Variants in GCN1 observed in about 807,000 individuals in gnomAD.
GCN1 encodes stalled ribosome sensor GCN1.
In GCN1, 90 loss-of-function variants were observed where a neutral mutation model predicts 288.4. The ratio of observed to expected loss-of-function variants is 0.31; its 90% CI spans 0.26 to 0.37. The LOEUF is 0.37. GCN1 is among the 10% of genes least tolerant of loss of function. The probability of loss-of-function intolerance (pLI) is 1.00; values close to 1 mark genes in which losing one functional copy is unlikely to be tolerated. For missense variants in GCN1, 2,586 were observed against 3,419.9 expected (o/e 0.76, Z 6.08); for synonymous variants, 1,386 against 1,420.2 (o/e 0.98, Z 0.54).
At chr12:120,181,779 C>T (rs1021792281) in intron 5 of GCN1, among the ~76,000 whole-genome samples, 5 of 139,530 alleles carry the variant, frequency 3.6e-5, no homozygotes, top group African/African-American at 5.5e-5. Flanking sequence ...GCAGAGGTTG[C>T]GGTGAGCCGA....
rs2139092854 is a variant in GCN1 at position 120,142,719 on chromosome 12, T to C, written c.5617A>G (p.Ile1873Val). Residue 1873 changes from isoleucine (I) to valine (V), a missense_variant, in exon 44 of 58, where the codon ATC (isoleucine) becomes GTC (valine). Around this residue, in one of 8 missense-constraint regions of GCN1, gnomAD observed 437 missense variants for 570.5 expected, o/e 0.77. Coordinates refer to ENST00000300648, the MANE Select transcript of GCN1 (RefSeq NM_006836.2). This position sits in a 1 kb window ranked among gnomAD's most constrained non-coding sequence, Gnocchi z 4.9. ...CGCTCTACCCCCAGGGCAGTGATGA[T>C]CGCCTGCAGCCAGTAGAAGGGGACA... is the stretch of plus-strand genomic sequence containing the variant. ...NFGTAQSNKA[I>V]ITALGVERRN... 1 of 1,614,010 alleles carries C rather than the reference T, an allele frequency of 6.2e-7. No homozygotes were observed. Among genetic ancestry groups the C allele is most frequent in the East Asian group, 2.2e-5 (1 of 44,878 alleles).
At chr12:120,143,588 G>GAAA (rs398055996) in intron 42 of GCN1, among the ~76,000 whole-genome samples, 198 of 119,464 alleles carry the variant, frequency 1.7e-3, no homozygotes, top group East Asian at 5.5e-3. Flanking sequence ...TCTCAAAAAG[G>GAAA]AAAAAAAAAA....
rs1566316097 is a variant in GCN1, at chr12:120,175,192, C to T, written c.1063G>A (p.Val355Ile). The T allele has an allele frequency of 6.3e-7, 1 of 1,590,722 alleles. No homozygotes were observed. Residue 355 changes from valine (V) to isoleucine (I), a missense_variant, in exon 12 of 58, where the codon GTT (valine) becomes ATT (isoleucine). Val to Ile is a conservative substitution (Grantham distance 29, BLOSUM62 3). Coordinates refer to ENST00000300648, the MANE Select transcript of GCN1 (RefSeq NM_006836.2). ...ILGGSEGKLT[V>I]VAQKMSVLSG... is the part of the protein sequence containing the mutation. ...AGGACGCTCATCTTCTGGGCTACAA[C>T]AGTTAGTTTTCCTTCCGAGCCTGAG...
At chr12:120,150,734 G>A (rs1183210171) in intron 34 of GCN1, among the ~76,000 whole-genome samples, 3 of 151,864 alleles carry the variant, frequency 2.0e-5, no homozygotes, top group East Asian at 1.9e-4. Context: ...TCAGGAGATC[G>A]AGACCATCCT....
chr12:120,161,055 A>G (rs1226369637), intron 22 of GCN1, among the ~76,000 whole-genome samples: 1 of 152,204 alleles, frequency 6.6e-6, no homozygotes, highest in Admixed American at 6.5e-5. Flanking sequence ...AGAAGGAAAG[A>G]GTCCTGTGTG....
chr12:120,149,402 G>T (rs773183762), intron 36 of GCN1, among the ~76,000 whole-genome samples: 6 of 152,126 alleles, frequency 3.9e-5, no homozygotes, highest in Non-Finnish European at 8.8e-5. Context: ...GCATGCTCCT[G>T]TGAGAATGGT....
rs752444856 is a variant in GCN1, at chr12:120,155,388, G to A, written c.3483C>T (p.Cys1161=). The change falls in exon 30 of 58, where the codon TGC becomes TGT. Residue 1161 remains cysteine (C), a synonymous_variant. Coordinates refer to ENST00000300648, the MANE Select transcript of GCN1 (RefSeq NM_006836.2). The surrounding 1 kb of genome is among the most constrained non-coding windows in gnomAD (Gnocchi z 4.9). ...AGATCACGTCGTCAATCAGCAAGGA[G>A]CAGAGGTCTGGCTGCAGGTCTAGGC... ...MMGLDLQPDL[C]SLLIDDVIYH... is the part of the protein sequence containing the mutation. 6 of 1,613,970 alleles carry A rather than the reference G, an allele frequency of 3.7e-6. No homozygotes were observed. The Admixed American group carries it at 6.7e-5, about 18-fold the overall frequency.
chr12:120,138,102 C>T, intron 47 of GCN1, 58 bp from the exon 48 acceptor site: 1 of 1,511,700 alleles, frequency 6.6e-7, no homozygotes, highest in Non-Finnish European at 9.0e-7. Flanking sequence ...GCGCTAGGCT[C>T]TGGGAACAGA....
Position 120,144,761 on chromosome 12 carries a change from T to C in GCN1, c.5230A>G (p.Ser1744Gly). The C allele has an allele frequency of 6.2e-7, 1 of 1,614,106 alleles. No individual in the cohort carries two copies. Among genetic ancestry groups the C allele is most frequent in the Non-Finnish European group, 8.5e-7 (1 of 1,179,918 alleles). ...KLMPEIVATA[S>G]KVDIAPHVRD... Reference sequence around the variant, plus strand: ...ACATGGGGTGCAATGTCCACTTTGCTGGCTGTAGCCACGATTTCTGGCATC... The same window carrying C: ...ACATGGGGTGCAATGTCCACTTTGCCGGCTGTAGCCACGATTTCTGGCATC... The change falls in exon 41 of 58, where the codon AGC becomes GGC. Residue 1744 changes from serine (S) to glycine (G), a missense_variant. Physicochemically the swap from Ser to Gly is moderately conservative, Grantham distance 56. Coordinates refer to ENST00000300648, the MANE Select transcript of GCN1 (RefSeq NM_006836.2). This position sits in a 1 kb window ranked among gnomAD's most constrained non-coding sequence, Gnocchi z 4.7.
Position 120,134,543 on chromosome 12 carries a change from G to C in GCN1, c.7192C>G (p.Pro2398Ala). 6.2e-7 allele frequency: 1 copy of C among 1,613,564 alleles called. No individual in the cohort carries two copies. The highest frequency in any genetic ancestry group is 8.5e-7 in the Non-Finnish European group (1 of 1,179,520). Residue 2398 changes from proline (P) to alanine (A), a missense_variant, in exon 52 of 58, where the codon CCA (proline) becomes GCA (alanine). Around this residue, in one of 8 missense-constraint regions of GCN1, gnomAD observed 355 missense variants for 431.1 expected, o/e 0.82. Transcript: ENST00000300648. This position sits in a 1 kb window ranked among gnomAD's most constrained non-coding sequence, Gnocchi z 5.0. ...TTGCCAGCGCCGTACCTGACACCTG[G>C]GTCCTCCATGGCGCGGATGCCATTG... ...LLNGIRAMEDPGVRDTMLQAL... is the reference protein window; with the variant it reads ...LLNGIRAMEDAGVRDTMLQAL...
At chr12:120,187,537 T>C (rs1157207534) in intron 2 of GCN1, among the ~76,000 whole-genome samples, 1 of 151,994 alleles carries the variant, frequency 6.6e-6, no homozygotes, top group African/African-American at 2.4e-5. Flanking sequence ...TTTCAAACTT[T>C]AGTAAACATA....
chr12:120,157,963 C>G lies in GCN1; in HGVS notation c.2973G>C (p.Glu991Asp). The G allele has an allele frequency of 6.2e-7, 1 of 1,613,984 alleles. No homozygotes were observed. The highest frequency in any genetic ancestry group is 8.5e-7 in the Non-Finnish European group (1 of 1,179,964). Reference sequence around the variant, plus strand: ...CCTCCTCCTCACTGTGGTGGGGCATCTCCGTCAGCACCATCTTCAGAAACG... The same window carrying G: ...CCTCCTCCTCACTGTGGTGGGGCATGTCCGTCAGCACCATCTTCAGAAACG... ...VFPFLKMVLT[E>D]MPHHSEEEEE... Residue 991 changes from glutamate to aspartate, a missense_variant, in exon 26 of 58, where the codon GAG (glutamate) becomes GAC (aspartate). Glu to Asp is a conservative substitution (Grantham distance 45, BLOSUM62 2). Around this residue, in one of 8 missense-constraint regions of GCN1, gnomAD observed 153 missense variants for 252.0 expected, o/e 0.61. Coordinates refer to ENST00000300648, the MANE Select transcript of GCN1 (RefSeq NM_006836.2).
In GCN1 at chr12:120,153,087, C is replaced by G; in HGVS notation, c.4062+126G>C. 1 of 731,134 alleles carries G rather than the reference C, an allele frequency of 1.4e-6. No individual in the cohort carries two copies. Among genetic ancestry groups the G allele is most frequent in the African/African-American group, 1.8e-5 (1 of 56,572 alleles). 45.3% of individuals were successfully genotyped at this position (731,134 alleles called of 1,614,324 possible). ...CTCTCCCCTGCGAGAGGGGGTGAATCCTTAACAAGAACTGGGCTTTCAGGG... is the reference window on the plus strand; with the variant it reads ...CTCTCCCCTGCGAGAGGGGGTGAATGCTTAACAAGAACTGGGCTTTCAGGG... On this transcript the variant is annotated intron_variant, in intron 33 of 57. Transcript: ENST00000300648. The surrounding 1 kb of genome is among the most constrained non-coding windows in gnomAD (Gnocchi z 4.4).
rs746708046 is a variant in GCN1, at chr12:120,134,501, GA to G, written c.7202+31del. The G allele has an allele frequency of 3.5e-5, 57 of 1,606,654 alleles. No individual in the cohort carries two copies. Among genetic ancestry groups the G allele is most frequent in the Non-Finnish European group, 4.7e-5 (55 of 1,173,968 alleles). ...GCCCACAGCAACCCCTGGCCTCCTG[GA>G]GGCCACAGTGCTCCCTTGCCAGCGC... On this transcript the variant is annotated intron_variant, in intron 52 of 57. Transcript: ENST00000300648. This position sits in a 1 kb window ranked among gnomAD's most constrained non-coding sequence, Gnocchi z 5.0.
rs1402274627 is a variant in GCN1, at chr12:120,158,650, C to G, written c.2750-35G>C. On this transcript the variant is annotated intron_variant, in intron 24 of 57. Transcript: ENST00000300648. This position sits in a 1 kb window ranked among gnomAD's most constrained non-coding sequence, Gnocchi z 4.3. ...AGAGGAGAGACCCAGCAGGAGATGA[C>G]ACACAGAGATGTGGAATCCAGCCCA... 4 of 1,560,476 alleles carry G rather than the reference C, an allele frequency of 2.6e-6. No homozygotes were observed. Among genetic ancestry groups the G allele is most frequent in the Non-Finnish European group, 3.5e-6 (4 of 1,149,126 alleles).
intron 53 of GCN1, among the ~76,000 whole-genome samples, chr12:120,132,482 CAG>C (rs1024439898): frequency 6.6e-6 from 1 of 152,138 alleles, no homozygotes; most frequent in African/African-American, 2.4e-5. Context: ...CTTTCTCCCA[CAG>C]AGTTTGTGTC....
chr12:120,188,440 G>GGAA (rs1251623199), intron 2 of GCN1, among the ~76,000 whole-genome samples: 6 of 115,778 alleles, frequency 5.2e-5, no homozygotes, highest in East Asian at 2.5e-4. Context: ...TCTCACCAAA[G>GGAA]AAAAAAAAAA....
chr12:120,155,033 G>T lies in GCN1; in HGVS notation c.3638C>A (p.Pro1213His). ...TCGTCCCAAAGCATCCAGCACTGGG[G>T]GCGGCCGCTGCAACAGACAAGTTGG... is the stretch of plus-strand genomic sequence containing the variant. ...EIYQEKLYRP[P>H]PVLDALGRVI... Residue 1213 changes from proline (P) to histidine (H), a missense_variant, in exon 31 of 58, where the codon CCC becomes CAC. Transcript: ENST00000300648. This position sits in a 1 kb window ranked among gnomAD's most constrained non-coding sequence, Gnocchi z 4.9. 1 of 1,613,556 alleles carries T rather than the reference G, an allele frequency of 6.2e-7. No individual in the cohort carries two copies. Among genetic ancestry groups the T allele is most frequent in the Non-Finnish European group, 8.5e-7 (1 of 1,179,434 alleles).
chr12:120,136,805 T>C (rs1204472912), intron 50 of GCN1, 73 bp from the exon 51 acceptor site: 12 of 1,077,562 alleles, frequency 1.1e-5, no homozygotes, highest in Non-Finnish European at 1.7e-5. Context: ...GCAAGCAAAG[T>C]GGTCCTGACA....
Sources: gnomAD v4.1 joint callset for allele counts (sites outside exome capture counted in the v4.1 genomes callset) on GRCh38, gnomAD v4.1.1 for gene constraint, gnomAD v4.1.1 regional missense constraint, Gnocchi (gnomAD v3.1) non-coding constraint, MANE v1.5 for transcripts, NCBI Gene and HGNC (gene_info 2026-07-23, HGNC 2026-07-21) for gene names.